Variants in RIMKLB observed in about 807,000 individuals in gnomAD.
RIMKLB encodes the protein ribosomal modification protein rimK like family member B.
A neutral mutation model predicts 32.0 loss-of-function variants in RIMKLB; 7 were observed. That is an observed-to-expected ratio of 0.22 (90% CI 0.12 to 0.41). RIMKLB has a LOEUF of 0.41. Ranked by LOEUF, RIMKLB falls within the 10% of genes least tolerant of loss-of-function variation. The pLI, the probability that RIMKLB is intolerant of heterozygous loss-of-function variation, is 1.00. For missense variants in RIMKLB, 289 were observed against 498.7 expected (o/e 0.58, Z 4.00); for synonymous variants, 172 against 185.1 (o/e 0.93, Z 0.57).
chr12:8,669,211 A>C, the RIMKLB span, among the ~76,000 whole-genome samples: 2 of 152,064 alleles, frequency 1.3e-5, no homozygotes, highest in Non-Finnish European at 2.9e-5. Context: ...GGAAGGAAGC[A>C]AGAGAGAGGG....
At position 8,775,164 on chromosome 12, in the gene RIMKLB, T is replaced by A. The variant is rs1199023514; in HGVS notation, c.*1380T>A. 1.2e-5 allele frequency: 12 copies of A among 985,716 alleles called. No individual in the cohort carries two copies. The highest frequency in any genetic ancestry group is 6.1e-5 in the Admixed American group (1 of 16,270). 61.1% of individuals were successfully genotyped at this position (985,716 alleles called of 1,614,324 possible). ...ACAGTTTATTCAAGGCTACATGCTTTTCTTTAATGCTTCTGGCTATGCATT... is the reference window on the plus strand; with the variant it reads ...ACAGTTTATTCAAGGCTACATGCTTATCTTTAATGCTTCTGGCTATGCATT... On this transcript the variant is annotated 3_prime_UTR_variant, in exon 6 of 6. Coordinates refer to ENST00000535829, the MANE Select transcript of RIMKLB (RefSeq NM_001297776.2).
chr12:8,705,893 T>C (rs1943832781), intron 1 of RIMKLB, among the ~76,000 whole-genome samples: 1 of 152,092 alleles, frequency 6.6e-6, no homozygotes, highest in South Asian at 2.1e-4. Context: ...CTCCTCAGTT[T>C]TTACTTTTTA....
intron 2 of RIMKLB, among the ~76,000 whole-genome samples, chr12:8,724,199 C>A (rs1020790560): frequency 7.9e-5 from 12 of 152,068 alleles, no homozygotes; most frequent in Admixed American, 3.9e-4. Context: ...CAAGTTCGCT[C>A]CCTAGGGAAG....
chr12:8,757,481 A>AATAAAAAAAATAAAAAAG (rs1949145070), intron 5 of RIMKLB, among the ~76,000 whole-genome samples: 1 of 151,988 alleles, frequency 6.6e-6, no homozygotes, highest in African/African-American at 2.4e-5. Flanking sequence ...AAAAAAAAAA[A>AATAAAAAAAATAAAAAAG]AAAAAAAAGT....
At chr12:8,781,695 C>G (rs1335650722), downstream of RIMKLB, among the ~76,000 whole-genome samples, 1 of 152,166 alleles carries the variant, frequency 6.6e-6, no homozygotes, top group African/African-American at 2.4e-5. Flanking sequence ...CTCTGCCTGC[C>G]TGTTTTTCCT....
intron 1 of RIMKLB, 98 bp from the exon 2 acceptor site, chr12:8,713,713 T>C (rs770618837): frequency 1.3e-6 from 1 of 752,236 alleles, no homozygotes; most frequent in East Asian, 2.7e-5. Context: ...TTCCTGTTTA[T>C]ATAATTAGTA....
chr12:8,691,285 T>C (rs1396624759), intron 1 of RIMKLB, among the ~76,000 whole-genome samples: 3 of 152,036 alleles, frequency 2.0e-5, no homozygotes, highest in Admixed American at 6.5e-5. Flanking sequence ...GCCACCACAC[T>C]TGGCCAAATT....
chr12:8,704,013 T>C (rs1943635465), intron 1 of RIMKLB, among the ~76,000 whole-genome samples: 1 of 152,226 alleles, frequency 6.6e-6, no homozygotes, highest in African/African-American at 2.4e-5. Flanking sequence ...TGGGCTGGTC[T>C]TTCTTTAAAT....
intron 2 of RIMKLB, among the ~76,000 whole-genome samples, chr12:8,743,311 G>T (rs745932840): frequency 7.3e-6 from 1 of 137,544 alleles, no homozygotes; most frequent in African/African-American, 2.8e-5. Flanking sequence ...CTGAGATTGC[G>T]CCACTGCACT....
intron 1 of RIMKLB, among the ~76,000 whole-genome samples, chr12:8,699,461 A>G (rs1453662581): frequency 6.6e-6 from 1 of 152,184 alleles, no homozygotes; most frequent in African/African-American, 2.4e-5. Flanking sequence ...ATTCATTTGG[A>G]ATAAAACACT....
Position 8,775,766 on chromosome 12 carries a change from C to G in RIMKLB, c.*1982C>G, listed in dbSNP as rs1300328136. 1 of 985,212 alleles carries G rather than the reference C, an allele frequency of 1.0e-6. No homozygotes were observed. Among genetic ancestry groups the G allele is most frequent in the African/African-American group, 1.7e-5 (1 of 57,212 alleles). The allele number at this position is 985,212 out of a possible 1,614,324, so 61.0% of individuals were successfully genotyped here. ...TGATGAATAGAATAGTACCTCTCAT[C>G]TGTGCAGTGTCTCATTTCACCTCAG... On this transcript the variant is annotated 3_prime_UTR_variant, in exon 6 of 6. Transcript: ENST00000535829.
At chr12:8,722,054 C>T (rs948094562) in intron 2 of RIMKLB, among the ~76,000 whole-genome samples, 2 of 152,054 alleles carry the variant, frequency 1.3e-5, no homozygotes, top group Non-Finnish European at 2.9e-5. Context: ...TATGAGTGTT[C>T]TTAATGGCAT....
chr12:8,676,279 A>G, the RIMKLB span, among the ~76,000 whole-genome samples: 2,412 of 145,326 alleles, frequency 0.017, 40 homozygotes, highest in African/African-American at 0.048. Flanking sequence ...TCACCATGTT[A>G]CCTGGGCTGG....
intron 2 of RIMKLB, among the ~76,000 whole-genome samples, chr12:8,731,374 A>T (rs938906161): frequency 6.6e-6 from 1 of 152,112 alleles, no homozygotes; most frequent in Non-Finnish European, 1.5e-5. Context: ...CTGGGATTAC[A>T]GGTGTGAGCC....
chr12:8,740,925 T>G (rs1003997569), intron 2 of RIMKLB, among the ~76,000 whole-genome samples: 1 of 151,772 alleles, frequency 6.6e-6, no homozygotes, highest in African/African-American at 2.4e-5. Flanking sequence ...AATACAAAAA[T>G]TAGCCAGGCG....
At chr12:8,718,661 A>C (rs900083777) in intron 2 of RIMKLB, among the ~76,000 whole-genome samples, 91 of 118,498 alleles carry the variant, frequency 7.7e-4, no homozygotes, top group South Asian at 3.0e-3. Context: ...CTCTATATAT[A>C]TATATATATG....
At chr12:8,729,345 G>A (rs1010115197) in intron 2 of RIMKLB, among the ~76,000 whole-genome samples, 3 of 129,558 alleles carry the variant, frequency 2.3e-5, no homozygotes, top group East Asian at 2.3e-4. Context: ...AGCTGAAAAG[G>A]GGATGGAGCG....
At chr12:8,738,907 G>C (rs933227069) in intron 2 of RIMKLB, among the ~76,000 whole-genome samples, 1 of 152,178 alleles carries the variant, frequency 6.6e-6, no homozygotes, top group African/African-American at 2.4e-5. Flanking sequence ...AAGAGATCTT[G>C]GTAGTTTGTG....
chr12:8,781,843 CAATT>C (rs1269009434), downstream of RIMKLB, among the ~76,000 whole-genome samples: 1 of 151,916 alleles, frequency 6.6e-6, no homozygotes, highest in Non-Finnish European at 1.5e-5. Flanking sequence ...ATGTAAATTT[CAATT>C]AAATTTATAG....
Sources: gnomAD v4.1 joint callset for allele counts (sites outside exome capture counted in the v4.1 genomes callset) on GRCh38, gnomAD v4.1.1 for gene constraint, MANE v1.5 for transcripts, NCBI Gene and HGNC (gene_info 2026-07-23, HGNC 2026-07-21) for gene names.